PTPRN2: variants seen among roughly 807,000 people sequenced by gnomAD.
PTPRN2 encodes receptor-type tyrosine-protein phosphatase N2.
PTPRN2 carries 74 observed loss-of-function variants against 118.8 expected under a neutral mutation model. The ratio of observed to expected loss-of-function variants is 0.62; its 90% CI spans 0.52 to 0.76. The LOEUF (loss-of-function observed/expected upper bound fraction) is 0.76, where lower values mean the gene tolerates loss of function less well. Ranked by LOEUF, PTPRN2 falls within the 30% of genes least tolerant of loss-of-function variation. PTPRN2 has a pLI of 0.00. For missense variants in PTPRN2, 1,481 were observed against 1,394.4 expected, an observed-to-expected ratio of 1.06 and a Z score of -0.99; for synonymous variants, 641 against 608.0, an observed-to-expected ratio of 1.05 and a Z score of -0.80.
rs191921599 is a variant in PTPRN2 at position 157,961,899 on chromosome 7, G to A, written c.1724-63162C>T. On this transcript the variant is annotated intron_variant, in intron 11 of 22. Coordinates refer to ENST00000389418, the MANE Select transcript of PTPRN2 (RefSeq NM_002847.5). ...GAGTCACAGTGAGCCCAGGAGACCC[G>A]GCGGCGGCCGCACCGGGACCCGGGG... 2.7e-3 allele frequency among the ~76,000 whole-genome samples: 415 copies of A among 152,198 alleles called. 5 individuals carry two copies. The highest frequency in any genetic ancestry group is 0.021 in the South Asian group (101 of 4,814).
intron 6 of PTPRN2, among the ~76,000 whole-genome samples, chr7:158,151,509 G>T (rs138391639): frequency 4.9e-5 from 1 of 20,378 alleles, no homozygotes; most frequent in African/African-American, 1.6e-4. Flanking sequence ...CCGCCTTTCT[G>T]CTCCTCACCG....
At chr7:157,584,577 C>T (rs1252113455) in intron 17 of PTPRN2, among the ~76,000 whole-genome samples, 2 of 152,238 alleles carry the variant, frequency 1.3e-5, no homozygotes, top group African/African-American at 4.8e-5. Flanking sequence ...CATGAAGATG[C>T]ATTTCCTCCA....
rs368669520 is a variant in PTPRN2, at chr7:158,133,678, C to A, written c.1555G>T (p.Asp519Tyr). 1.1e-5 allele frequency: 18 copies of A among 1,572,694 alleles called. No individual in the cohort carries two copies. The highest frequency in any genetic ancestry group is 1.4e-5 in the Non-Finnish European group (16 of 1,159,816). Reference protein sequence around the residue: ...EARGYIVTDRDPLRPEEGRRL... With the variant: ...EARGYIVTDRYPLRPEEGRRL... ...AGCTTAGCCAGGGCTGCTACTCACT[C>A]TCTGTCTGTCACGATGTAGCCCCGC... The change falls in exon 9 of 23, where the codon GAC becomes TAC. Residue 519 changes from aspartate (D) to tyrosine (Y), a missense_variant and splice_region_variant. Coordinates refer to ENST00000389418, the MANE Select transcript of PTPRN2 (RefSeq NM_002847.5).
chr7:158,116,526 G>A (rs1278927789), intron 9 of PTPRN2, among the ~76,000 whole-genome samples: 2 of 152,240 alleles, frequency 1.3e-5, no homozygotes, highest in African/African-American at 2.4e-5. Flanking sequence ...GGAGCAGCCT[G>A]CACACACTGG....
intron 1 of PTPRN2, among the ~76,000 whole-genome samples, chr7:158,490,309 G>A (rs1821353161): frequency 6.6e-6 from 1 of 152,344 alleles, no homozygotes; most frequent in African/African-American, 2.4e-5. Flanking sequence ...GGTCGGGAGA[G>A]GAAAGGAGGC....
Position 158,126,768 on chromosome 7 carries a change from G to A in PTPRN2, c.1556+6909C>T, listed in dbSNP as rs183897883. 1.2e-3 allele frequency among the ~76,000 whole-genome samples: 188 copies of A among 151,688 alleles called. 2 individuals carry two copies. The highest frequency in any genetic ancestry group is 4.3e-3 in the African/African-American group (178 of 41,096). On this transcript the variant is annotated intron_variant, in intron 9 of 22. Transcript: ENST00000389418. ...GGTTTCACATTTCACATCTCACAGT[G>A]AGCCGAGGAAGGGGCTGGGGGAACC...
intron 11 of PTPRN2, among the ~76,000 whole-genome samples, chr7:157,938,346 G>C (rs970138490): frequency 6.6e-6 from 1 of 152,236 alleles, no homozygotes; most frequent in African/African-American, 2.4e-5. Context: ...TGTCATCCCT[G>C]CCAGCTCTCA....
chr7:158,262,246 A>G (rs1797452262), intron 3 of PTPRN2, among the ~76,000 whole-genome samples: 1 of 152,162 alleles, frequency 6.6e-6, no homozygotes, highest in Admixed American at 6.5e-5. Flanking sequence ...ACAGGCACTC[A>G]CACTCACAGA....
chr7:158,327,149 ACG>A (rs955155803), intron 2 of PTPRN2, among the ~76,000 whole-genome samples: 54 of 133,752 alleles, frequency 4.0e-4, no homozygotes, highest in Admixed American at 2.3e-3. Flanking sequence ...ATATCCACAC[ACG>A]TGCACACATT....
chr7:158,252,245 C>T (rs1046000146), intron 3 of PTPRN2, among the ~76,000 whole-genome samples: 7 of 152,262 alleles, frequency 4.6e-5, no homozygotes, highest in Admixed American at 2.0e-4. Flanking sequence ...ATCACCTCTG[C>T]GGCGAGAATC....
rs1034583838 is a variant in PTPRN2 at position 157,587,845 on chromosome 7, TC to T, written c.2496+7392del. The stretch of plus-strand genomic sequence containing the variant: ...AGGGAGCCAGTTCCCACGGTGGCTG[TC>T]CCCATGCCTGGGCTCCCGTGGTGGC... On this transcript the variant is annotated intron_variant, in intron 17 of 22. Transcript: ENST00000389418. The surrounding 1 kb of genome is among the most constrained non-coding windows in gnomAD (Gnocchi z 5.3). 6.6e-6 allele frequency among the ~76,000 whole-genome samples: 1 copy of T among 152,178 alleles called. No homozygotes were observed. Among genetic ancestry groups the T allele is most frequent in the Non-Finnish European group, 1.5e-5 (1 of 68,020 alleles).
Position 157,983,749 on chromosome 7 carries a change from G to A in PTPRN2, c.1724-85012C>T, listed in dbSNP as rs1803496806. The stretch of plus-strand genomic sequence containing the variant: ...GTCCCTGGAATCCCTGTGCTGAGTT[G>A]TTCTCATGTGGCTGCTGGCCCAGGG... On this transcript the variant is annotated intron_variant, in intron 11 of 22. Coordinates refer to ENST00000389418, the MANE Select transcript of PTPRN2 (RefSeq NM_002847.5). Among the ~76,000 whole-genome samples the A allele has an allele frequency of 2.0e-5, 3 of 152,330 alleles. No individual in the cohort carries two copies. The South Asian group carries it at 6.2e-4, about 32-fold the overall frequency.
intron 11 of PTPRN2, among the ~76,000 whole-genome samples, chr7:158,034,581 G>GT (rs1055927390): frequency 1.3e-5 from 2 of 152,176 alleles, no homozygotes; most frequent in Non-Finnish European, 2.9e-5. Context: ...GGAACTGTAA[G>GT]TCCATTAAAC....
At chr7:157,777,551 C>T (rs905804234) in intron 12 of PTPRN2, among the ~76,000 whole-genome samples, 2 of 152,260 alleles carry the variant, frequency 1.3e-5, no homozygotes, top group Non-Finnish European at 2.9e-5. Context: ...AAGGCTCTGG[C>T]AGATCCTGCC....
rs1399009197 is a variant in PTPRN2 at position 157,953,892 on chromosome 7, T to C, written c.1724-55155A>G. 2.6e-5 allele frequency among the ~76,000 whole-genome samples: 4 copies of C among 152,130 alleles called. No homozygotes were observed. Among genetic ancestry groups the C allele is most frequent in the African/African-American group, 9.7e-5 (4 of 41,414 alleles). On this transcript the variant is annotated intron_variant, in intron 11 of 22. Coordinates refer to ENST00000389418, the MANE Select transcript of PTPRN2 (RefSeq NM_002847.5). The surrounding 1 kb of genome is among the most constrained non-coding windows in gnomAD (Gnocchi z 4.6). ...GCAGAAATCGCTGGTTTAAATATTCTCTCCTTTCCCTCACCATGGAATGCA... is the reference window on the plus strand; with the variant it reads ...GCAGAAATCGCTGGTTTAAATATTCCCTCCTTTCCCTCACCATGGAATGCA...
chr7:158,384,667 C>T (rs1382967002), intron 2 of PTPRN2, among the ~76,000 whole-genome samples: 2 of 152,152 alleles, frequency 1.3e-5, no homozygotes, highest in Admixed American at 6.5e-5. Context: ...AATGAACCTT[C>T]CCTTCATCAA....
chr7:157,840,287 C>CCG (rs1411834968), intron 12 of PTPRN2, among the ~76,000 whole-genome samples: 6 of 131,496 alleles, frequency 4.6e-5, no homozygotes, highest in Admixed American at 8.0e-5. Flanking sequence ...GACTGTGTGA[C>CCG]CGTGTGACTG....
At position 158,555,005 on chromosome 7, in the gene PTPRN2, A is replaced by C. The variant is rs1586932182; in HGVS notation, c.112+32553T>G. Among the ~76,000 whole-genome samples the C allele has an allele frequency of 2.0e-5, 3 of 151,430 alleles. 1 individual carries two copies. The highest frequency in any genetic ancestry group is 7.3e-5 in the African/African-American group (3 of 41,208). ...TTATCCGGCCCCTCCTCGACTACCAACTCCCCTCACCGGAGATGCCTGCCT... is the reference window on the plus strand; with the variant it reads ...TTATCCGGCCCCTCCTCGACTACCACCTCCCCTCACCGGAGATGCCTGCCT... On this transcript the variant is annotated intron_variant, in intron 1 of 22. Coordinates refer to ENST00000389418, the MANE Select transcript of PTPRN2 (RefSeq NM_002847.5). This position sits in a 1 kb window ranked among gnomAD's most constrained non-coding sequence, Gnocchi z 4.7.
intron 12 of PTPRN2, among the ~76,000 whole-genome samples, chr7:157,889,420 G>A (rs1364901753): frequency 1.3e-5 from 2 of 152,140 alleles, no homozygotes; most frequent in African/African-American, 4.8e-5. Context: ...TTCCTTTTAT[G>A]GTTTCGACCC....
Sources: allele counts gnomAD v4.1 joint callset (sites outside exome capture counted in the v4.1 genomes callset), GRCh38; gene constraint gnomAD v4.1.1; non-coding constraint Gnocchi (gnomAD v3.1); transcripts MANE v1.5; gene names NCBI Gene and HGNC (gene_info 2026-07-23, HGNC 2026-07-21).